NPAS3: variants seen among roughly 807,000 people sequenced by gnomAD.
The protein encoded by NPAS3 is neuronal PAS domain-containing protein 3.
NPAS3 carries 14 observed loss-of-function variants against 73.1 expected under a neutral mutation model. The observed-to-expected ratio is 0.19, with a 90% CI of 0.13 to 0.30. NPAS3 has a LOEUF of 0.30. Among genes scored for constraint, NPAS3 ranks in the 10% least tolerant of loss-of-function variants. The pLI is 1.00. For missense variants in NPAS3, 1,096 were observed against 1,250.0 expected, an observed-to-expected ratio of 0.88 and a Z score of 1.86; for synonymous variants, 620 against 541.5, an observed-to-expected ratio of 1.14 and a Z score of -2.01.
At chr14:33,645,216 G>C (rs2058795704) in intron 5 of NPAS3, among the ~76,000 whole-genome samples, 2 of 152,138 alleles carry the variant, frequency 1.3e-5, no homozygotes, top group South Asian at 4.1e-4. Context: ...AGTTGTTCAG[G>C]GTACCTGATA....
intron 5 of NPAS3, among the ~76,000 whole-genome samples, chr14:33,603,909 A>T (rs1301738708): frequency 6.6e-6 from 1 of 152,134 alleles, no homozygotes; most frequent in African/African-American, 2.4e-5. Context: ...GAGGGGAAAA[A>T]AGAAGTATGC....
chr14:33,419,533 T>C (rs750118451), intron 4 of NPAS3, among the ~76,000 whole-genome samples: 49 of 152,060 alleles, frequency 3.2e-4, no homozygotes, highest in Middle Eastern at 3.4e-3. Context: ...TATTTACTTG[T>C]ATTTGTAAGA....
intron 1 of NPAS3, among the ~76,000 whole-genome samples, chr14:32,990,551 G>A (rs895215925): frequency 3.9e-5 from 6 of 152,108 alleles, no homozygotes; most frequent in Non-Finnish European, 8.8e-5. Flanking sequence ...AAGGCTACCA[G>A]TGGGCAAATC....
intron 7 of NPAS3, among the ~76,000 whole-genome samples, chr14:33,751,892 A>G (rs537376445): frequency 6.3e-4 from 96 of 152,318 alleles, no homozygotes; most frequent in African/African-American, 2.0e-3. Context: ...TCTCAAGTGA[A>G]CAGTAAGTGA....
At chr14:33,431,807 C>G (rs1247575783) in intron 4 of NPAS3, among the ~76,000 whole-genome samples, 1 of 152,024 alleles carries the variant, frequency 6.6e-6, no homozygotes, top group Non-Finnish European at 1.5e-5. Context: ...ATGATAATCT[C>G]TGTGGGTCCC....
At chr14:33,287,774 G>A (rs933736461) in intron 3 of NPAS3, among the ~76,000 whole-genome samples, 3 of 152,124 alleles carry the variant, frequency 2.0e-5, no homozygotes, top group African/African-American at 7.2e-5. Context: ...TGGATACTGA[G>A]ACCAAATACA....
chr14:33,359,229 C>T (rs1450717299), intron 3 of NPAS3, among the ~76,000 whole-genome samples: 2 of 152,164 alleles, frequency 1.3e-5, no homozygotes, highest in Non-Finnish European at 2.9e-5. Flanking sequence ...TAAGCTGTTT[C>T]CTGCAGAACC....
chr14:33,560,922 A>C (rs2055615719), intron 5 of NPAS3, among the ~76,000 whole-genome samples: 1 of 152,212 alleles, frequency 6.6e-6, no homozygotes, highest in African/African-American at 2.4e-5. Flanking sequence ...GAATGCCAAA[A>C]TATCCTGAAG....
intron 2 of NPAS3, among the ~76,000 whole-genome samples, chr14:33,161,452 A>G (rs1471396246): frequency 2.0e-5 from 3 of 152,228 alleles, no homozygotes; most frequent in Non-Finnish European, 2.9e-5. Flanking sequence ...TTGGATCCCA[A>G]GGCCCAAGTT....
chr14:33,124,375 C>G (rs1004479621), intron 2 of NPAS3, among the ~76,000 whole-genome samples: 1 of 152,118 alleles, frequency 6.6e-6, no homozygotes, highest in Admixed American at 6.6e-5. Flanking sequence ...AGCCGGACCA[C>G]TTATATCCAA....
chr14:33,607,899 C>T (rs2057627375), intron 5 of NPAS3, among the ~76,000 whole-genome samples: 1 of 152,040 alleles, frequency 6.6e-6, no homozygotes, highest in South Asian at 2.1e-4. Flanking sequence ...AGAAGGAAGC[C>T]CCTTATAAAA....
intron 6 of NPAS3, among the ~76,000 whole-genome samples, chr14:33,701,017 G>A (rs947985496): frequency 1.5e-4 from 23 of 152,306 alleles, no homozygotes; most frequent in Admixed American, 2.6e-4. Flanking sequence ...GGAGAAGCAC[G>A]CATGTGAACA....
intron 4 of NPAS3, among the ~76,000 whole-genome samples, chr14:33,426,022 T>C (rs1407702832): frequency 2.0e-5 from 3 of 152,084 alleles, no homozygotes; most frequent in Non-Finnish European, 4.4e-5. Context: ...CTTCTGGTGC[T>C]AGAGAGAGGA....
At chr14:33,154,055 CA>C (rs1167015837) in intron 2 of NPAS3, among the ~76,000 whole-genome samples, 1 of 152,126 alleles carries the variant, frequency 6.6e-6, no homozygotes, top group African/African-American at 2.4e-5. Context: ...CTTTGTTGTA[CA>C]AATATTTAGA....
intron 3 of NPAS3, among the ~76,000 whole-genome samples, chr14:33,295,302 G>A (rs1288229695): frequency 6.6e-6 from 1 of 152,112 alleles, no homozygotes; most frequent in Non-Finnish European, 1.5e-5. Context: ...TAGGCCTAAA[G>A]TTGGTGTTTT....
chr14:33,212,132 C>T (rs374041898), intron 2 of NPAS3, among the ~76,000 whole-genome samples: 14 of 152,242 alleles, frequency 9.2e-5, no homozygotes, highest in South Asian at 2.1e-4. Flanking sequence ...TTTACATAAG[C>T]GAGTGAAAGA....
At chr14:33,135,942 T>C (rs1185784613) in intron 2 of NPAS3, among the ~76,000 whole-genome samples, 2 of 152,154 alleles carry the variant, frequency 1.3e-5, no homozygotes, top group African/African-American at 4.8e-5. Context: ...CCAAAATGGT[T>C]TTCCACTGGA....
intron 4 of NPAS3, among the ~76,000 whole-genome samples, chr14:33,405,482 A>T (rs531560374): frequency 2.0e-5 from 3 of 152,080 alleles, no homozygotes; most frequent in Non-Finnish European, 4.4e-5. Context: ...ACATGAATGA[A>T]GCTATAAATT....
chr14:33,602,535 T>G (rs78291707), intron 5 of NPAS3, among the ~76,000 whole-genome samples: 8,034 of 152,278 alleles, frequency 0.053, 275 homozygotes, highest in South Asian at 0.13. Flanking sequence ...CCAGCAGGCA[T>G]CCTGCACGCA....
Sources: gnomAD v4.1 joint callset for allele counts (sites outside exome capture counted in the v4.1 genomes callset) on GRCh38, gnomAD v4.1.1 for gene constraint, MANE v1.5 for transcripts, NCBI Gene and HGNC (gene_info 2026-07-23, HGNC 2026-07-21) for gene names.